The following MYO1D variants were observed in gnomAD, a reference collection of about 807,000 sequenced individuals.
MYO1D encodes the protein myosin ID.
MYO1D carries 83 observed loss-of-function variants against 122.0 expected under a neutral mutation model. The ratio of observed to expected loss-of-function variants is 0.68; its 90% CI spans 0.57 to 0.82. The LOEUF (loss-of-function observed/expected upper bound fraction) is 0.82, where lower values mean the gene tolerates loss of function less well. MYO1D is among the 40% of genes least tolerant of loss of function. The pLI is 0.00. For synonymous variants in MYO1D, 464 were observed against 446.9 expected, an observed-to-expected ratio of 1.04 and a Z score of -0.48; for missense variants, 1,157 against 1,269.5, an observed-to-expected ratio of 0.91 and a Z score of 1.35.
At chr17:32,664,270 CCACCA>C (rs2088608531) in intron 16 of MYO1D, among the ~76,000 whole-genome samples, 2 of 152,048 alleles carry the variant, frequency 1.3e-5, no homozygotes, top group Admixed American at 1.3e-4. Context: ...GTTGGTTTTC[CCACCA>C]AGGGTCTGCA....
chr17:32,830,777 C>A (rs1397906906), intron 1 of MYO1D, among the ~76,000 whole-genome samples: 1 of 152,020 alleles, frequency 6.6e-6, no homozygotes, highest in Non-Finnish European at 1.5e-5. Flanking sequence ...TTAAAAAATA[C>A]CGATATGGGC....
Position 32,654,674 on chromosome 17 carries a change from TTC to T in MYO1D, c.2346-55_2346-54del, listed in dbSNP as rs1238393980. 28 of 1,473,480 alleles carry T rather than the reference TTC, an allele frequency of 1.9e-5. No individual in the cohort carries two copies. The South Asian group carries it at 3.0e-4, about 16-fold the overall frequency. The allele number at this position is 1,473,480 out of a possible 1,614,324, so 91.3% of individuals were successfully genotyped here. On this transcript the variant is annotated intron_variant, in intron 17 of 21. Coordinates refer to ENST00000318217, the MANE Select transcript of MYO1D (RefSeq NM_015194.3). The stretch of plus-strand genomic sequence containing the variant: ...GACTTTAGAAATGCAATCCCATGCA[TTC>T]TCTCTCTCTTTTTTTTTTTCTTTTT...
intron 21 of MYO1D, among the ~76,000 whole-genome samples, chr17:32,581,577 CTCT>C (rs1232532261): frequency 6.6e-6 from 1 of 150,938 alleles, no homozygotes; most frequent in Admixed American, 6.6e-5. Flanking sequence ...CCCTCTCGCT[CTCT>C]TTTTTTTTCC....
chr17:32,766,577 C>G (rs1456163608), intron 7 of MYO1D, among the ~76,000 whole-genome samples: 4 of 152,050 alleles, frequency 2.6e-5, no homozygotes, highest in African/African-American at 9.7e-5. Context: ...GGGCAGATCA[C>G]GAGGTCAGGA....
intron 21 of MYO1D, among the ~76,000 whole-genome samples, chr17:32,578,020 T>C (rs2087295189): frequency 6.6e-6 from 1 of 152,208 alleles, no homozygotes; most frequent in Non-Finnish European, 1.5e-5. Context: ...ATTACAGGCG[T>C]GAGCCACCGC....
chr17:32,668,326 G>A (rs944045886), intron 16 of MYO1D, among the ~76,000 whole-genome samples: 7 of 152,198 alleles, frequency 4.6e-5, no homozygotes, highest in Admixed American at 1.3e-4. Context: ...GTCTGATAGC[G>A]AGGTGGCTTA....
Position 32,767,760 on chromosome 17 carries a change from T to A in MYO1D, c.715-8A>T, listed in dbSNP as rs1180467845. The stretch of plus-strand genomic sequence containing the variant: ...AGCATCATTGATAGAAGACTGGGGA[T>A]GAAAATGAAAAACTGAAGTTACAGA... On this transcript the variant is annotated splice_polypyrimidine_tract_variant and splice_region_variant and intron_variant, in intron 6 of 21. Transcript: ENST00000318217. 16 of 1,576,856 alleles carry A rather than the reference T, an allele frequency of 1.0e-5. No homozygotes were observed. In the African/African-American group the frequency reaches 2.2e-4, roughly 21 times the overall value.
At chr17:32,873,782 CAG>C (rs1234607233) in intron 1 of MYO1D, among the ~76,000 whole-genome samples, 2 of 152,160 alleles carry the variant, frequency 1.3e-5, no homozygotes, top group African/African-American at 4.8e-5. Flanking sequence ...AGCCAGTTCT[CAG>C]AGTCATCAAG....
intron 13 of MYO1D, among the ~76,000 whole-genome samples, chr17:32,743,613 G>GTTATTA (rs775872937): frequency 6.8e-6 from 1 of 147,036 alleles, no homozygotes; most frequent in African/African-American, 2.5e-5. Context: ...TATTATTATT[G>GTTATTA]TTATTATTAT....
chr17:32,603,358 T>G (rs966970228), intron 21 of MYO1D, among the ~76,000 whole-genome samples: 1 of 152,088 alleles, frequency 6.6e-6, no homozygotes, highest in Non-Finnish European at 1.5e-5. Context: ...CAAAAACTCT[T>G]GCATTCATTA....
At chr17:32,526,741 C>A (rs535304303) in intron 21 of MYO1D, among the ~76,000 whole-genome samples, 2 of 152,202 alleles carry the variant, frequency 1.3e-5, no homozygotes, top group African/African-American at 4.8e-5. Flanking sequence ...CAGCCCCGAC[C>A]TCCTGAGCTC....
At chr17:32,735,735 T>C (rs2089694038) in intron 14 of MYO1D, among the ~76,000 whole-genome samples, 1 of 152,040 alleles carries the variant, frequency 6.6e-6, no homozygotes, top group Non-Finnish European at 1.5e-5. Context: ...GAAGTATGGG[T>C]ATGTTGTTAG....
At chr17:32,494,986 C>G (rs1249865293) in intron 21 of MYO1D, 71 bp from the exon 22 acceptor site, 2 of 1,471,104 alleles carry the variant, frequency 1.4e-6, no homozygotes, top group South Asian at 2.7e-5. Flanking sequence ...CCCGGCAGCT[C>G]CCGGCCACCA....
chr17:32,866,138 TC>T (rs1406263044), intron 1 of MYO1D, among the ~76,000 whole-genome samples: 19 of 152,268 alleles, frequency 1.2e-4, no homozygotes, highest in African/African-American at 4.3e-4. Flanking sequence ...TGCCTCAGCC[TC>T]CCCAGTAGCT....
At chr17:32,648,191 G>C (rs9902194) in intron 19 of MYO1D, among the ~76,000 whole-genome samples, 2,370 of 152,192 alleles carry the variant, frequency 0.016, 57 homozygotes, top group African/African-American at 0.047. Flanking sequence ...CCTAGCCTGG[G>C]TGACAGAGTA....
chr17:32,754,121 T>C (rs2089924363), intron 11 of MYO1D, among the ~76,000 whole-genome samples: 1 of 152,198 alleles, frequency 6.6e-6, no homozygotes, highest in Non-Finnish European at 1.5e-5. Flanking sequence ...ATGTCTACCA[T>C]CTGGTAGGCA....
intron 1 of MYO1D, among the ~76,000 whole-genome samples, chr17:32,795,327 A>G (rs964955688): frequency 2.6e-5 from 4 of 152,108 alleles, no homozygotes; most frequent in Admixed American, 6.5e-5. Context: ...GCCAGCAAAC[A>G]CGGCAAGGAG....
rs184115004 is a variant in MYO1D at position 32,638,726 on chromosome 17, T to C, written c.2705A>G (p.Tyr902Cys). ...QYKVMKTIPL[Y>C]NLTGLSVSNG... ...AGAGAAGCACAGAGGACTTACATTG[T>C]ATAGAGGGATAGTCTTCATCACCTT... Residue 902 changes from tyrosine to cysteine, a missense_variant, in exon 20 of 22, where the codon TAC (tyrosine) becomes TGC (cysteine). Transcript: ENST00000318217. 3 of 1,605,926 alleles carry C rather than the reference T, an allele frequency of 1.9e-6. No homozygotes were observed. The highest frequency in any genetic ancestry group is 2.2e-5 in the East Asian group (1 of 44,784).
At chr17:32,844,256 A>G (rs2090912415) in intron 1 of MYO1D, among the ~76,000 whole-genome samples, 1 of 146,994 alleles carries the variant, frequency 6.8e-6, no homozygotes, top group African/African-American at 2.5e-5. Context: ...TATAATATAT[A>G]ATATGTATAT....
Sources: allele counts gnomAD v4.1 joint callset (sites outside exome capture counted in the v4.1 genomes callset), GRCh38; gene constraint gnomAD v4.1.1; transcripts MANE v1.5; gene names NCBI Gene and HGNC (gene_info 2026-07-23, HGNC 2026-07-21).